The following CD99L2 variants were observed in gnomAD, a reference collection of about 807,000 sequenced individuals.
CD99L2 encodes the protein CD99 molecule like 2.
A neutral mutation model predicts 27.3 loss-of-function variants in CD99L2; 24 were observed. That is an observed-to-expected ratio of 0.88 (90% confidence interval 0.64 to 1.24). The LOEUF (loss-of-function observed/expected upper bound fraction) is 1.24. Ranked by LOEUF, CD99L2 falls within the 50% of genes most tolerant of loss-of-function variation. CD99L2 has a pLI of 0.00. For missense variants in CD99L2, 255 were observed against 221.6 expected, an observed-to-expected ratio of 1.15 and a Z score of -0.96; for synonymous variants, 97 against 87.9, an observed-to-expected ratio of 1.10 and a Z score of -0.58.
At chrX:150,824,613 A>AAGGAGAAGAAGG (rs1236570187) in intron 2 of CD99L2, among the ~76,000 whole-genome samples, 4 of 86,280 alleles carry the variant, frequency 4.6e-5, no homozygotes, top group Non-Finnish European at 6.9e-5. Context: ...GGAGAAGAAG[A>AAGGAGAAGAAGG]AGGAGAAGAA....
intron 1 of CD99L2, among the ~76,000 whole-genome samples, chrX:150,886,906 C>G (rs976494561): frequency 1.5e-4 from 17 of 111,801 alleles, no homozygotes; most frequent in Non-Finnish European, 2.6e-4. Context: ...ATGGCTCATG[C>G]TTGTAATCCC....
At chrX:150,854,395 G>A (rs2046838632) in intron 1 of CD99L2, among the ~76,000 whole-genome samples, 1 of 111,638 alleles carries the variant, frequency 9.0e-6, no homozygotes, top group Admixed American at 9.5e-5. Flanking sequence ...GGTTGGCTGG[G>A]GACTTGTTGG....
rs782668316 is a variant in CD99L2, at chrX:150,797,387, A to T, written c.278-1901T>A. ...GAACATTTTTTAGCTCACATATTTG[A>T]CAACTTGGAAGAAATGGACCAATTT... On this transcript the variant is annotated intron_variant, in intron 4 of 10. Coordinates refer to ENST00000370377, the MANE Select transcript of CD99L2 (RefSeq NM_031462.4). Among the ~76,000 whole-genome samples, 33 of 112,357 alleles carry T rather than the reference A, an allele frequency of 2.9e-4. No homozygotes were observed. The Middle Eastern group carries it at 0.018, about 62-fold the overall frequency.
chrX:150,898,504 G>GC lies in CD99L2; in HGVS notation c.67+17dup. 1.8e-6 allele frequency: 2 copies of GC among 1,095,752 alleles called. No homozygotes were observed. Among genetic ancestry groups the GC allele is most frequent in the Non-Finnish European group, 2.4e-6 (2 of 839,812 alleles). 90.3% of individuals were successfully genotyped at this position (1,095,752 alleles called of 1,213,427 possible). A position where few individuals can be genotyped will look rare whatever the true frequency, so the allele number is the denominator to read the frequency against. ...CGGGGTCCCCGCGCGGTCCCCGCGCGCCCCCCGCCCGCCTTACCTCGCTGG... is the reference window on the plus strand; with the variant it reads ...CGGGGTCCCCGCGCGGTCCCCGCGCGCCCCCCCGCCCGCCTTACCTCGCTGG... On this transcript the variant is annotated intron_variant, in intron 1 of 10. Transcript: ENST00000370377.
chrX:150,896,631 C>A (rs2047615473), intron 1 of CD99L2, among the ~76,000 whole-genome samples: 2 of 111,943 alleles, frequency 1.8e-5, no homozygotes, highest in Non-Finnish European at 3.8e-5. Context: ...GGTAGCAAGG[C>A]TGTAGATCTA....
intron 1 of CD99L2, among the ~76,000 whole-genome samples, chrX:150,877,974 A>T (rs1333567285): frequency 3.4e-5 from 3 of 89,111 alleles, no homozygotes; most frequent in African/African-American, 1.1e-4. Flanking sequence ...ACACACACAC[A>T]CACACACACA....
Position 150,768,921 on chromosome X carries a change from A to T in CD99L2, c.*113T>A. On this transcript the variant is annotated 3_prime_UTR_variant, in exon 11 of 11. Transcript: ENST00000370377. ...GCTCATCCGGGAAACTCAGACCAAC[A>T]AGGAGCCGATGGCACAGAGCAGCAC... 4 of 1,068,003 alleles carry T rather than the reference A, an allele frequency of 3.7e-6. No homozygotes were observed. Among genetic ancestry groups the T allele is most frequent in the Non-Finnish European group, 4.8e-6 (4 of 834,450 alleles). The allele number at this position is 1,068,003 out of a possible 1,213,427, so 88.0% of individuals were successfully genotyped here. A position where few individuals can be genotyped will look rare whatever the true frequency, so the allele number is the denominator to read the frequency against.
intron 1 of CD99L2, among the ~76,000 whole-genome samples, chrX:150,865,918 C>T (rs1268164623): frequency 8.9e-6 from 1 of 111,772 alleles, no homozygotes; most frequent in African/African-American, 3.3e-5. Flanking sequence ...CCCAGAAGTT[C>T]GAGACCAGCC....
At chrX:150,880,220 A>T (rs1015165032) in intron 1 of CD99L2, among the ~76,000 whole-genome samples, 10 of 112,155 alleles carry the variant, frequency 8.9e-5, no homozygotes, top group Non-Finnish European at 1.7e-4. Flanking sequence ...AATTAAAAAC[A>T]TAAGTCCACA....
chrX:150,771,554 T>C (rs1325195979), intron 9 of CD99L2, among the ~76,000 whole-genome samples: 1 of 111,413 alleles, frequency 9.0e-6, no homozygotes, highest in East Asian at 2.9e-4. Context: ...AGTGGGCACC[T>C]GAGTCCTCAC....
chrX:150,873,738 A>C (rs781885956), intron 1 of CD99L2, among the ~76,000 whole-genome samples: 1 of 111,409 alleles, frequency 9.0e-6, no homozygotes, highest in African/African-American at 3.3e-5. Context: ...AAGAGGAATG[A>C]GAAGGAGCCA....
chrX:150,771,823 C>G, intron 9 of CD99L2: 1 of 1,155,818 alleles, frequency 8.7e-7, no homozygotes, highest in East Asian at 3.3e-5. Context: ...GCTGCTGCAT[C>G]TGAAGGCAAG....
At chrX:150,794,884 C>T (rs2124113311) in intron 6 of CD99L2, among the ~76,000 whole-genome samples, 1 of 112,798 alleles carries the variant, frequency 8.9e-6, no homozygotes, top group South Asian at 3.7e-4. Context: ...AAGTTTTTGT[C>T]TTGCCAAGCA....
intron 9 of CD99L2, among the ~76,000 whole-genome samples, chrX:150,771,456 G>A (rs1202968000): frequency 2.7e-5 from 3 of 112,232 alleles, no homozygotes; most frequent in Non-Finnish European, 3.8e-5. Context: ...CCTGAGCCTC[G>A]TGATCACTGC....
chrX:150,787,888 G>GTATATATATATATATATA (rs527795783), intron 7 of CD99L2, among the ~76,000 whole-genome samples: 26 of 63,858 alleles, frequency 4.1e-4, no homozygotes, highest in South Asian at 1.0e-3. Context: ...AGAACTTAAA[G>GTATATATATATATATATA]TATATATATA....
Position 150,898,510 on chromosome X carries a change from C to T in CD99L2, c.67+12G>A. The T allele has an allele frequency of 9.1e-7, 1 of 1,104,114 alleles. No homozygotes were observed. Among genetic ancestry groups the T allele is most frequent in the Non-Finnish European group, 1.2e-6 (1 of 844,330 alleles). The allele number at this position is 1,104,114 out of a possible 1,213,427, so 91.0% of individuals were successfully genotyped here. ...CCCCGCGCGGTCCCCGCGCGCCCCC[C>T]GCCCGCCTTACCTCGCTGGACCAGG... On this transcript the variant is annotated intron_variant, in intron 1 of 10. Transcript: ENST00000370377.
intron 8 of CD99L2, 29 bp downstream of exon 8, chrX:150,777,415 A>C (rs1557419293): frequency 1.7e-6 from 2 of 1,210,541 alleles, no homozygotes; most frequent in Middle Eastern, 2.3e-4. Flanking sequence ...TCACATGGCC[A>C]ACAGGAGCCT....
intron 7 of CD99L2, 79 bp downstream of exon 7, chrX:150,793,612 G>A (rs1216749107): frequency 1.2e-6 from 1 of 853,738 alleles, no homozygotes; most frequent in African/African-American, 2.1e-5. Flanking sequence ...ATTTCCCAGA[G>A]GCTCAATTAA....
At chrX:150,804,969 T>C (rs973834102) in intron 4 of CD99L2, among the ~76,000 whole-genome samples, 4 of 111,958 alleles carry the variant, frequency 3.6e-5, no homozygotes, top group African/African-American at 1.3e-4. Context: ...GAGGATCACC[T>C]GAGCACATGA....
Sources: gnomAD v4.1 joint callset for allele counts (sites outside exome capture counted in the v4.1 genomes callset) on GRCh38, gnomAD v4.1.1 for gene constraint, MANE v1.5 for transcripts, NCBI Gene and HGNC (gene_info 2026-07-23, HGNC 2026-07-21) for gene names.